The following GABRR1 variants were observed in gnomAD, a reference collection of about 807,000 sequenced individuals.
The protein encoded by GABRR1 is gamma-aminobutyric acid type A receptor subunit rho1, also known as gamma-aminobutyric acid receptor subunit rho-1.
A neutral mutation model predicts 55.5 loss-of-function variants in GABRR1; 59 were observed. That is an observed-to-expected ratio of 1.06 (90% confidence interval 0.86 to 1.32). The LOEUF (loss-of-function observed/expected upper bound fraction) is 1.32, where lower values mean the gene tolerates loss of function less well. Among genes scored for constraint, GABRR1 ranks in the 40% most tolerant of loss-of-function variants. The probability of loss-of-function intolerance (pLI) is 0.00; values close to 1 mark genes in which losing one functional copy is unlikely to be tolerated. For missense variants in GABRR1, 602 were observed against 619.1 expected (o/e 0.97, Z 0.29); for synonymous variants, 213 against 226.0 (o/e 0.94, Z 0.51).
intron 1 of GABRR1, among the ~76,000 whole-genome samples, chr6:89,210,488 C>T (rs1379928031): frequency 2.6e-5 from 4 of 152,184 alleles, no homozygotes; most frequent in African/African-American, 9.6e-5. Flanking sequence ...GCCATCATGC[C>T]CAGTCTTCTG....
At chr6:89,200,996 C>T (rs12198870) in intron 3 of GABRR1, among the ~76,000 whole-genome samples, 163 bp downstream of exon 3, 12,296 of 152,150 alleles carry the variant, frequency 0.081, 555 homozygotes, top group Middle Eastern at 0.11. Flanking sequence ...CGGGGCAAGA[C>T]AGATGCTCAA....
chr6:89,211,809 C>T (rs999640321), intron 1 of GABRR1, among the ~76,000 whole-genome samples: 1 of 152,142 alleles, frequency 6.6e-6, no homozygotes, highest in Admixed American at 6.6e-5. Flanking sequence ...AGCTCTATAC[C>T]CATTTCTCTG....
Position 89,198,033 on chromosome 6 carries a change from G to A in GABRR1, c.559C>T (p.Leu187Phe), listed in dbSNP as rs2127798414. ...CTTTCTTCCTACCTGAGACTATAGA[G>A]CACTTTCCCATCAGGCTGGACCCGC... The part of the protein sequence containing the change: ...MLRVQPDGKV[L>F]YSLRVTVTAM... Residue 187 changes from leucine to phenylalanine, a missense_variant, in exon 5 of 10, where the codon CTC (leucine) becomes TTC (phenylalanine). By Grantham distance (22) the Leu-to-Phe change is conservative. This residue lies in a region of GABRR1 where 435 missense variants were observed against 424.2 expected (regional missense o/e 1.03). Transcript: ENST00000454853. 1 of 1,613,694 alleles carries A rather than the reference G, an allele frequency of 6.2e-7. No individual in the cohort carries two copies. The highest frequency in any genetic ancestry group is 8.5e-7 in the Non-Finnish European group (1 of 1,179,636).
intron 9 of GABRR1, 99 bp downstream of exon 9, chr6:89,180,193 C>G: frequency 7.6e-7 from 1 of 1,313,920 alleles, no homozygotes; most frequent in Non-Finnish European, 1.0e-6. Context: ...GAGAGGGTAT[C>G]ATGACCTTGC....
intron 1 of GABRR1, among the ~76,000 whole-genome samples, chr6:89,225,928 T>G (rs2127812729): frequency 6.8e-6 from 1 of 147,752 alleles, no homozygotes; most frequent in East Asian, 1.9e-4. Flanking sequence ...CAGCACCTGT[T>G]GTTTCCTGAC....
At chr6:89,203,928 G>A (rs768674472) in intron 1 of GABRR1, among the ~76,000 whole-genome samples, 19 of 152,366 alleles carry the variant, frequency 1.2e-4, no homozygotes, top group Middle Eastern at 3.4e-3. Context: ...CAGGAGATGA[G>A]AGAGGAGGAG....
chr6:89,184,473 T>C (rs994152005), intron 7 of GABRR1, among the ~76,000 whole-genome samples: 1 of 152,078 alleles, frequency 6.6e-6, no homozygotes, highest in African/African-American at 2.4e-5. Flanking sequence ...AAGGAACAAC[T>C]GGGTCCACAG....
chr6:89,219,789 T>C (rs1273119990), upstream of GABRR1, among the ~76,000 whole-genome samples: 2 of 152,220 alleles, frequency 1.3e-5, no homozygotes, highest in Non-Finnish European at 2.9e-5. Context: ...CAAGCCCTTA[T>C]TTGAACCAGT....
At chr6:89,190,131 C>CTG (rs1772040253) in intron 6 of GABRR1, 34 bp downstream of exon 6, 2 of 1,452,282 alleles carry the variant, frequency 1.4e-6, no homozygotes, top group Non-Finnish European at 1.9e-6. Flanking sequence ...TTATCAGGAG[C>CTG]TGTGTGCTGA....
At position 89,201,252 on chromosome 6, in the gene GABRR1, G is replaced by C. The variant is rs776677398; in HGVS notation, c.187C>G (p.Arg63Gly). The C allele has an allele frequency of 6.2e-7, 1 of 1,613,730 alleles. No homozygotes were observed. The highest frequency in any genetic ancestry group is 8.5e-7 in the Non-Finnish European group (1 of 1,179,664). Reference sequence around the variant, plus strand: ...GGCGATTTGGTGATGTCAGGACTTCGTCTCAGAATTGGGCTGCCAAGGGGG... The same window carrying C: ...GGCGATTTGGTGATGTCAGGACTTCCTCTCAGAATTGGGCTGCCAAGGGGG... ...AHKQVSPILR[R>G]SPDITKSPLT... Residue 63 changes from arginine to glycine, a missense_variant, in exon 3 of 10, where the codon CGA becomes GGA. Around this residue, in one of 3 missense-constraint regions of GABRR1, gnomAD observed 435 missense variants for 424.2 expected, o/e 1.03. Transcript: ENST00000454853.
chr6:89,190,814 T>C (rs1400778850), intron 5 of GABRR1, among the ~76,000 whole-genome samples: 2 of 152,212 alleles, frequency 1.3e-5, no homozygotes, highest in Admixed American at 1.3e-4. Flanking sequence ...GGAAAAACAC[T>C]GAAAGGTCTT....
upstream of GABRR1, among the ~76,000 whole-genome samples, chr6:89,220,374 C>A (rs1051158502): frequency 9.2e-5 from 14 of 152,182 alleles, no homozygotes; most frequent in Non-Finnish European, 1.6e-4. Flanking sequence ...AAGGCCACTT[C>A]CTCCATCCAG....
At chr6:89,221,783 G>C (rs1773118703), upstream of GABRR1, among the ~76,000 whole-genome samples, 1 of 152,094 alleles carries the variant, frequency 6.6e-6, no homozygotes, top group African/African-American at 2.4e-5. Flanking sequence ...CAAATAAAAA[G>C]GCAAAGGAAA....
Position 89,203,745 on chromosome 6 carries a change from C to T in GABRR1, c.123-260G>A, listed in dbSNP as rs549288676. On this transcript the variant is annotated intron_variant, in intron 1 of 9. Coordinates refer to ENST00000454853, the MANE Select transcript of GABRR1 (RefSeq NM_002042.5). Reference sequence around the variant, plus strand: ...GAGCTAAAATATCTCCCCCACTGGTCTACCCGGGCGTGAAATGGACGCCAT... The same window carrying T: ...GAGCTAAAATATCTCCCCCACTGGTTTACCCGGGCGTGAAATGGACGCCAT... Among the ~76,000 whole-genome samples, 7 of 152,334 alleles carry T rather than the reference C, an allele frequency of 4.6e-5. No individual in the cohort carries two copies. In the South Asian group the frequency reaches 1.4e-3, roughly 32 times the overall value.
At chr6:89,185,567 T>A in intron 6 of GABRR1, 117 bp from the exon 7 acceptor site, 1 of 886,048 alleles carries the variant, frequency 1.1e-6, no homozygotes, top group Admixed American at 2.3e-5. Context: ...TGTGATATGA[T>A]AGTTTGAAAA....
At chr6:89,225,157 G>T (rs992096209) in intron 1 of GABRR1, among the ~76,000 whole-genome samples, 1 of 152,026 alleles carries the variant, frequency 6.6e-6, no homozygotes, top group Non-Finnish European at 1.5e-5. Flanking sequence ...TATATAAGGT[G>T]AGTGATGAGA....
chr6:89,204,899 T>G (rs879444305), intron 1 of GABRR1, among the ~76,000 whole-genome samples: 3 of 152,222 alleles, frequency 2.0e-5, no homozygotes, highest in Non-Finnish European at 2.9e-5. Context: ...AGAATTATAC[T>G]GTTTGAAACT....
At chr6:89,217,629 G>A (rs547496120), upstream of GABRR1, 25 of 242,700 alleles carry the variant, frequency 1.0e-4, no homozygotes, top group African/African-American at 5.5e-4. Context: ...GTTGGTAAAA[G>A]TCTTATTTTC....
At chr6:89,201,802 T>C (rs896756823) in intron 2 of GABRR1, among the ~76,000 whole-genome samples, 4 of 150,444 alleles carry the variant, frequency 2.7e-5, no homozygotes, top group Non-Finnish European at 5.9e-5. Flanking sequence ...AAAATACCGA[T>C]GCCCAGGCCC....
Sources: allele counts gnomAD v4.1 joint callset (sites outside exome capture counted in the v4.1 genomes callset), GRCh38; gene constraint gnomAD v4.1.1; regional missense constraint gnomAD v4.1.1; transcripts MANE v1.5; gene names NCBI Gene and HGNC (gene_info 2026-07-23, HGNC 2026-07-21).